LRRC49: variants seen among roughly 807,000 people sequenced by gnomAD.
The protein encoded by LRRC49 is leucine rich repeat containing 49, also known as leucine-rich repeat-containing protein 49.
LRRC49 carries 50 observed loss-of-function variants against 83.3 expected under a neutral mutation model. That is an observed-to-expected ratio of 0.60 (90% CI 0.48 to 0.76). The LOEUF (loss-of-function observed/expected upper bound fraction) is 0.76. LRRC49 is among the 30% of genes least tolerant of loss of function. LRRC49 has a pLI of 0.00. For synonymous variants in LRRC49, 286 were observed against 283.3 expected (o/e 1.01, Z -0.10); for missense variants, 704 against 809.1 (o/e 0.87, Z 1.58).
intron 14 of LRRC49, among the ~76,000 whole-genome samples, chr15:71,022,259 GCTA>G (rs1166627622): frequency 6.6e-6 from 1 of 152,070 alleles, no homozygotes; most frequent in Non-Finnish European, 1.5e-5. Flanking sequence ...TGTAATCCCA[GCTA>G]CTCAGGAGGC....
At chr15:70,995,920 G>A (rs2038059765) in intron 11 of LRRC49, among the ~76,000 whole-genome samples, 1 of 152,122 alleles carries the variant, frequency 6.6e-6, no homozygotes, top group Non-Finnish European at 1.5e-5. Flanking sequence ...TTTTAAGAAG[G>A]GAGCATAGAG....
chr15:70,977,611 C>T (rs2037252321), intron 9 of LRRC49, among the ~76,000 whole-genome samples: 1 of 152,104 alleles, frequency 6.6e-6, no homozygotes, highest in Non-Finnish European at 1.5e-5. Flanking sequence ...CACCATGGCA[C>T]TCCAAGCCTG....
intron 14 of LRRC49, among the ~76,000 whole-genome samples, chr15:71,025,707 G>GA (rs55848932): frequency 0.7 from 102,567 of 146,794 alleles, 35,998 homozygotes; most frequent in Non-Finnish European, 0.75. Flanking sequence ...CAAATAGAAA[G>GA]AAAAAAAAAA....
At chr15:70,970,416 C>G (rs142311006) in intron 9 of LRRC49, among the ~76,000 whole-genome samples, 124 of 152,302 alleles carry the variant, frequency 8.1e-4, no homozygotes, top group Admixed American at 2.0e-3. Flanking sequence ...TGATGTTCAT[C>G]AGGGATACTG....
intron 15 of LRRC49, among the ~76,000 whole-genome samples, chr15:71,042,971 A>C (rs1042906363): frequency 1.3e-5 from 2 of 152,142 alleles, no homozygotes; most frequent in Admixed American, 6.5e-5. Context: ...AGTTTTCTTG[A>C]CCACCCTAGT....
intron 9 of LRRC49, among the ~76,000 whole-genome samples, chr15:70,976,265 G>A (rs540010753): frequency 6.6e-6 from 1 of 152,234 alleles, no homozygotes; most frequent in Admixed American, 6.5e-5. Context: ...CTAACACTAG[G>A]TGTGACCCTG....
intron 11 of LRRC49, among the ~76,000 whole-genome samples, chr15:70,986,010 T>C (rs76450919): frequency 0.8 from 120,060 of 150,006 alleles, 48,671 homozygotes; most frequent in Admixed American, 0.86. Context: ...GGTACCAGTA[T>C]CATGCTGTTT....
chr15:70,928,779 G>A (rs530673137), intron 7 of LRRC49, among the ~76,000 whole-genome samples: 2 of 152,252 alleles, frequency 1.3e-5, no homozygotes, highest in African/African-American at 4.8e-5. Context: ...TGGTCAGGCT[G>A]GTCTCGAACT....
At chr15:70,901,189 G>A (rs2034062944) in intron 4 of LRRC49, among the ~76,000 whole-genome samples, 165 bp downstream of exon 4, 1 of 151,874 alleles carries the variant, frequency 6.6e-6, no homozygotes, top group South Asian at 2.1e-4. Context: ...TCCTTCCTGA[G>A]GTATGGTGAG....
chr15:71,049,046 T>A (rs562843510), intron 15 of LRRC49, among the ~76,000 whole-genome samples: 1 of 152,338 alleles, frequency 6.6e-6, no homozygotes, highest in African/African-American at 2.4e-5. Context: ...TGTATCCTGA[T>A]ACATTTACCA....
intron 9 of LRRC49, among the ~76,000 whole-genome samples, chr15:70,966,201 G>A (rs1326451075): frequency 6.6e-6 from 1 of 151,992 alleles, no homozygotes; most frequent in African/African-American, 2.4e-5. Flanking sequence ...TTCTCACTGT[G>A]GTGGATTACA....
intron 11 of LRRC49, among the ~76,000 whole-genome samples, chr15:71,007,460 A>G (rs1596131657): frequency 6.6e-6 from 1 of 151,922 alleles, no homozygotes; most frequent in East Asian, 1.9e-4. Context: ...TAATTTTAGT[A>G]GGGGCAAATA....
At position 71,009,902 on chromosome 15, in the gene LRRC49, A is replaced by G; in HGVS notation, c.1503A>G (p.Gln501=). 1 of 1,612,114 alleles carries G rather than the reference A, an allele frequency of 6.2e-7. No homozygotes were observed. Among genetic ancestry groups the G allele is most frequent in the Non-Finnish European group, 8.5e-7 (1 of 1,178,430 alleles). The change falls in exon 13 of 16, where the codon CAA becomes CAG. Residue 501 remains glutamine (Q), a synonymous_variant. Transcript: ENST00000260382. ...TTGACCAGTTGACAATTGATCCTCA[A>G]GGAAATCCAGTTGTCAATTTTACAC... ...RRIDQLTIDP[Q]GNPVVNFTLW...
intron 7 of LRRC49, chr15:70,936,552 G>T: frequency 2.1e-6 from 1 of 468,262 alleles, no homozygotes; most frequent in East Asian, 3.1e-5. Flanking sequence ...TTTACCTTGC[G>T]AGTGGTGCAG....
At chr15:70,984,978 C>T (rs1188765880) in intron 11 of LRRC49, among the ~76,000 whole-genome samples, 3 of 143,174 alleles carry the variant, frequency 2.1e-5, no homozygotes, top group African/African-American at 5.2e-5. Context: ...TTTATGGCTG[C>T]ATAGTATTCC....
At chr15:71,016,153 T>C (rs986787637) in intron 14 of LRRC49, among the ~76,000 whole-genome samples, 3 of 152,204 alleles carry the variant, frequency 2.0e-5, no homozygotes, top group African/African-American at 7.2e-5. Context: ...AGTACATAGA[T>C]ACTTTTTACT....
At chr15:70,937,933 G>C (rs929651958) in intron 8 of LRRC49, among the ~76,000 whole-genome samples, 7 of 151,972 alleles carry the variant, frequency 4.6e-5, no homozygotes, top group Admixed American at 6.6e-5. Flanking sequence ...TCTTTTCAAT[G>C]GCAATGGAAG....
At position 70,859,140 on chromosome 15, in the gene LRRC49, A is replaced by G. The variant is rs564657284; in HGVS notation, c.-299+5671A>G. The G allele has an allele frequency of 3.5e-5, 48 of 1,364,248 alleles. No homozygotes were observed. In the East Asian group the frequency reaches 1.1e-3, roughly 30 times the overall value. 84.5% of individuals were successfully genotyped at this position (1,364,248 alleles called of 1,614,324 possible). ...AACAAGAACAACATGTTCCAGAGCTATATCAACAACCTTAGGTGGCAGCTG... is the reference window on the plus strand; with the variant it reads ...AACAAGAACAACATGTTCCAGAGCTGTATCAACAACCTTAGGTGGCAGCTG... On this transcript the variant is annotated intron_variant, in intron 1 of 16. Coordinates refer to the LRRC49 transcript ENST00000544974.
At position 71,053,013 on chromosome 15, in the gene LRRC49, C is replaced by T. The variant is rs989676023; in HGVS notation, c.*3401C>T. ...TAACAAATGTATAAGTACACATGTA[C>T]AATATTGTGTATTATTTAAGGATAT... On this transcript the variant is annotated 3_prime_UTR_variant, in exon 16 of 16. Coordinates refer to ENST00000260382, the MANE Select transcript of LRRC49 (RefSeq NM_017691.5). The T allele has an allele frequency of 6.6e-6, 1 of 152,058 alleles. No individual in the cohort carries two copies. Among genetic ancestry groups the T allele is most frequent in the Admixed American group, 6.6e-5 (1 of 15,252 alleles). 9.4% of individuals were successfully genotyped at this position (152,058 alleles called of 1,614,324 possible).
Sources: gnomAD v4.1 joint callset for allele counts (sites outside exome capture counted in the v4.1 genomes callset) on GRCh38, gnomAD v4.1.1 for gene constraint, MANE v1.5 for transcripts, NCBI Gene and HGNC (gene_info 2026-07-23, HGNC 2026-07-21) for gene names.